ZNF536: variants seen among roughly 807,000 people sequenced by gnomAD.
The protein encoded by ZNF536 is zinc finger protein 536.
A neutral mutation model predicts 84.5 loss-of-function variants in ZNF536; 13 were observed. The observed-to-expected ratio is 0.15, with a 90% CI of 0.10 to 0.24. The LOEUF (loss-of-function observed/expected upper bound fraction) is 0.24, where lower values mean the gene tolerates loss of function less well. Ranked by LOEUF, ZNF536 falls within the 10% of genes least tolerant of loss-of-function variation. The pLI is 1.00. For missense variants in ZNF536, 1,536 were observed against 1,747.5 expected (o/e 0.88, Z 2.16); for synonymous variants, 811 against 742.5 (o/e 1.09, Z -1.50).
chr19:30,656,216 T>A (rs2049907470), intron 1 of ZNF536, among the ~76,000 whole-genome samples: 1 of 152,200 alleles, frequency 6.6e-6, no homozygotes, highest in South Asian at 2.1e-4. Context: ...AATTGCCTGG[T>A]CTTCTGAATT....
chr19:30,505,347 T>TG (rs2055128509), intron 2 of ZNF536, among the ~76,000 whole-genome samples: 1 of 144,386 alleles, frequency 6.9e-6, no homozygotes, highest in African/African-American at 2.5e-5. Context: ...TTTATGATAA[T>TG]AAATATATAT....
At chr19:30,505,660 G>C (rs551549679) in intron 2 of ZNF536, among the ~76,000 whole-genome samples, 1 of 151,950 alleles carries the variant, frequency 6.6e-6, no homozygotes, top group Non-Finnish European at 1.5e-5. Flanking sequence ...TTTTGAAAAC[G>C]ATAGCATAAG....
chr19:30,365,235 C>A (rs1046830100), intron 3 of ZNF536, among the ~76,000 whole-genome samples: 1 of 150,248 alleles, frequency 6.7e-6, no homozygotes, highest in Admixed American at 6.6e-5. Context: ...GGCATGTGCT[C>A]TCTCTCTCTC....
chr19:30,467,584 G>T (rs1316676117), intron 2 of ZNF536, among the ~76,000 whole-genome samples: 1 of 152,162 alleles, frequency 6.6e-6, no homozygotes, highest in Admixed American at 6.5e-5. Flanking sequence ...AAGGAGGGTG[G>T]ATCTCTGCCT....
chr19:30,257,794 AC>A (rs747636911), intron 1 of ZNF536, among the ~76,000 whole-genome samples: 1 of 152,198 alleles, frequency 6.6e-6, no homozygotes. Context: ...TCCTGGGCGG[AC>A]CCATTGCAAC....
At chr19:30,478,431 TC>T (rs1255476073) in intron 2 of ZNF536, among the ~76,000 whole-genome samples, 3 of 151,982 alleles carry the variant, frequency 2.0e-5, no homozygotes, top group Non-Finnish European at 2.9e-5. Context: ...CCTGAGGAGC[TC>T]TGATCTTAGA....
At chr19:30,260,143 A>G (rs1173126866) in intron 1 of ZNF536, among the ~76,000 whole-genome samples, 1 of 152,194 alleles carries the variant, frequency 6.6e-6, no homozygotes, top group African/African-American at 2.4e-5. Context: ...GATCATTAGA[A>G]TCTTGAAAAA....
intron 4 of ZNF536, 123 bp downstream of exon 4, chr19:30,549,637 C>T: frequency 8.8e-7 from 1 of 1,134,488 alleles, no homozygotes; most frequent in Non-Finnish European, 1.2e-6. Context: ...TGAAAAAACC[C>T]TCAATGCTGT....
intron 1 of ZNF536, among the ~76,000 whole-genome samples, chr19:30,607,007 A>T (rs12459985): frequency 0.51 from 77,984 of 151,864 alleles, 20,584 homozygotes; most frequent in African/African-American, 0.64. Context: ...GGCTCTCACG[A>T]CCCCAGGCCA....
chr19:30,424,515 G>T (rs2051127741), intron 1 of ZNF536, among the ~76,000 whole-genome samples: 1 of 152,136 alleles, frequency 6.6e-6, no homozygotes, highest in Non-Finnish European at 1.5e-5. Flanking sequence ...GGTAACAGGG[G>T]AATCTCTGGG....
At chr19:30,334,505 G>A (rs1055299712) in intron 2 of ZNF536, among the ~76,000 whole-genome samples, 1 of 152,126 alleles carries the variant, frequency 6.6e-6, no homozygotes, top group Non-Finnish European at 1.5e-5. Flanking sequence ...AGGACGTCTG[G>A]TTAAGACAAA....
chr19:30,671,107 C>G (rs2050535595), intron 1 of ZNF536, among the ~76,000 whole-genome samples: 1 of 152,346 alleles, frequency 6.6e-6, no homozygotes, highest in East Asian at 1.9e-4. Flanking sequence ...CCTAGAGGAA[C>G]AAGGATGAAT....
intron 1 of ZNF536, among the ~76,000 whole-genome samples, chr19:30,416,183 G>C (rs931657430): frequency 5.9e-5 from 9 of 151,774 alleles, no homozygotes; most frequent in African/African-American, 1.9e-4. Context: ...TTCCTTCTCT[G>C]ATGGCTCTAT....
At position 30,492,795 on chromosome 19, in the gene ZNF536, A is replaced by G. The variant is rs143953800; in HGVS notation, c.2171-42052A>G. On this transcript the variant is annotated intron_variant, in intron 2 of 4. Transcript: ENST00000355537. ...TAAATGCGGTGGAGATAAAGCATAT[A>G]CTATGGTAGTTTCATAACTAGCCAG... Among the ~76,000 whole-genome samples the G allele has an allele frequency of 8.1e-4, 124 of 152,330 alleles. 1 individual carries two copies. The highest frequency in any genetic ancestry group is 1.5e-3 in the Non-Finnish European group (102 of 68,024).
rs550718376 is a variant in ZNF536, at chr19:30,415,345, C to T, written c.-2-28216C>T. Among the ~76,000 whole-genome samples, 178 of 147,050 alleles carry T rather than the reference C, an allele frequency of 1.2e-3. 2 individuals are homozygous for T. Among genetic ancestry groups the T allele is most frequent in the Non-Finnish European group, 2.3e-3 (155 of 66,942 alleles). ...TCTTCTTCTTCCTCTTCTTCTTCTT[C>T]GTCCTCTTCCTCTTCCTTTTCCTTC... On this transcript the variant is annotated intron_variant, in intron 1 of 4. Transcript: ENST00000355537.
chr19:30,485,240 G>C (rs1399995337), intron 2 of ZNF536, among the ~76,000 whole-genome samples: 1 of 152,014 alleles, frequency 6.6e-6, no homozygotes, highest in Non-Finnish European at 1.5e-5. Flanking sequence ...ACCCCTGCAC[G>C]TTTCCTTCTT....
intron 1 of ZNF536, among the ~76,000 whole-genome samples, chr19:30,240,573 C>G (rs1412322714): frequency 1.3e-5 from 2 of 152,318 alleles, no homozygotes; most frequent in East Asian, 3.9e-4. Flanking sequence ...CTGCACTGGC[C>G]TGACCTCCCA....
chr19:30,579,717 C>G (rs768085181), intron 1 of ZNF536, among the ~76,000 whole-genome samples: 16 of 152,294 alleles, frequency 1.1e-4, no homozygotes, highest in African/African-American at 3.4e-4. Flanking sequence ...GTCCCCACAT[C>G]CCCAAGGGGC....
rs569312789 is a variant in ZNF536, at chr19:30,627,468, C to CAAAAAAAAAAAAAA, written c.169+77976_169+77989dup. The stretch of plus-strand genomic sequence containing the variant: ...CCTGGGTGACAGACCAAGGCCCTGT[C>CAAAAAAAAAAAAAA]AAAAAAAAAAAAAAAAAAAAAAAAA... On this transcript the variant is annotated intron_variant, in intron 1 of 1. Transcript: ENST00000592773. 2.3e-4 allele frequency among the ~76,000 whole-genome samples: 12 copies of CAAAAAAAAAAAAAA among 52,048 alleles called. 1 individual carries two copies. The highest frequency in any genetic ancestry group is 1.0e-3 in the African/African-American group (11 of 10,646). The allele number at this position is 52,048 out of a possible 152,430, so 34.1% of individuals were successfully genotyped here. A position where few individuals can be genotyped will look rare whatever the true frequency, so the allele number is the denominator to read the frequency against.
Sources: allele counts gnomAD v4.1 joint callset (sites outside exome capture counted in the v4.1 genomes callset), GRCh38; gene constraint gnomAD v4.1.1; transcripts MANE v1.5; gene names NCBI Gene and HGNC (gene_info 2026-07-23, HGNC 2026-07-21).